PCDHGB4: variants seen among roughly 807,000 people sequenced by gnomAD.
PCDHGB4 encodes protocadherin gamma subfamily B, 4, also known as protocadherin gamma-B4.
In PCDHGB4, 38 loss-of-function variants were observed where a neutral mutation model predicts 60.5. That is an observed-to-expected ratio of 0.63 (90% confidence interval 0.48 to 0.82). The LOEUF is 0.82. PCDHGB4 is among the 40% of genes least tolerant of loss of function. The probability of loss-of-function intolerance (pLI) is 0.00; values close to 1 mark genes in which losing one functional copy is unlikely to be tolerated. For missense variants in PCDHGB4, 1,109 were observed against 1,209.6 expected (o/e 0.92, Z 1.23); for synonymous variants, 456 against 509.7 (o/e 0.89, Z 1.42).
chr5:141,413,470 C>T (rs748662580), intron 1 of PCDHGB4: 17 of 1,614,110 alleles, frequency 1.1e-5, no homozygotes, highest in Non-Finnish European at 1.4e-5. Flanking sequence ...CCGGGAGGAG[C>T]TCTGCGCTCA....
chr5:141,396,025 T>G (rs1486088514), intron 1 of PCDHGB4: 4 of 152,248 alleles, frequency 2.6e-5, no homozygotes, highest in African/African-American at 2.4e-5. Context: ...TTGTAAAATA[T>G]GTAAGAACAT....
At chr5:141,505,241 T>C in intron 2 of PCDHGB4, 152 bp from the exon 3 acceptor site, 3 of 1,396,292 alleles carry the variant, frequency 2.1e-6, no homozygotes, top group South Asian at 1.4e-5. Flanking sequence ...TTCTGAAGGA[T>C]TGTAGAAGTG....
chr5:141,450,678 G>C (rs1038323301), intron 1 of PCDHGB4, among the ~76,000 whole-genome samples: 1 of 151,854 alleles, frequency 6.6e-6, no homozygotes, highest in Non-Finnish European at 1.5e-5. Context: ...GTAGAAACGG[G>C]GTTTTGCCAT....
Position 141,491,797 on chromosome 5 carries a change from G to C in PCDHGB4, c.2398-3010G>C, listed in dbSNP as rs537755017. The C allele has an allele frequency of 7.9e-5, 119 of 1,506,700 alleles. No homozygotes were observed. In the Admixed American group the frequency reaches 1.4e-3, roughly 18 times the overall value. 93.3% of individuals were successfully genotyped at this position (1,506,700 alleles called of 1,614,324 possible). On this transcript the variant is annotated intron_variant, in intron 1 of 3. Coordinates refer to ENST00000519479, the MANE Select transcript of PCDHGB4 (RefSeq NM_003736.4). The surrounding 1 kb of genome is among the most constrained non-coding windows in gnomAD (Gnocchi z 6.9). The stretch of plus-strand genomic sequence containing the variant: ...ATTGAACTTGCATCCACTCCTCTCC[G>C]GCCGGCTTGGTCGCTGGCTGCGCTC...
chr5:141,388,571 C>G lies in PCDHGB4; in HGVS notation c.687C>G (p.His229Gln). Residue 229 changes from histidine to glutamine, a missense_variant, in exon 1 of 4, where the codon CAC becomes CAG. Physicochemically the swap from His to Gln is conservative, Grantham distance 24. Transcript: ENST00000519479. ...CCCTAAGCAGCACTGCACAGATACA[C>G]GTTCTAGTGACTGATGCCAATGATA... ...APPLSSTAQI[H>Q]VLVTDANDNA... 15 of 1,613,830 alleles carry G rather than the reference C, an allele frequency of 9.3e-6. No individual in the cohort carries two copies. The highest frequency in any genetic ancestry group is 1.2e-5 in the Non-Finnish European group (14 of 1,179,854).
At chr5:141,510,795 G>A in intron 3 of PCDHGB4, 152 bp from the exon 4 acceptor site, 6 of 1,465,214 alleles carry the variant, frequency 4.1e-6, no homozygotes, top group Non-Finnish European at 5.5e-6. Context: ...CTTGTGAAGA[G>A]AGACTACCTT....
rs2099388737 is a variant in PCDHGB4 at position 141,476,307 on chromosome 5, G to T, written c.2398-18500G>T. 1 of 1,613,606 alleles carries T rather than the reference G, an allele frequency of 6.2e-7. No individual in the cohort carries two copies. The highest frequency in any genetic ancestry group is 1.3e-5 in the African/African-American group (1 of 74,728). ...TTGGATCTCGGTAGCCTCTCAGCCC[G>T]CAGGTTCCGGGTGGTGTCTGGAGCT... On this transcript the variant is annotated intron_variant, in intron 1 of 3. Coordinates refer to ENST00000519479, the MANE Select transcript of PCDHGB4 (RefSeq NM_003736.4). The surrounding 1 kb of genome is among the most constrained non-coding windows in gnomAD (Gnocchi z 7.6).
At chr5:141,403,092 A>C in intron 1 of PCDHGB4, 4 of 1,614,086 alleles carry the variant, frequency 2.5e-6, no homozygotes, top group Non-Finnish European at 3.4e-6. Flanking sequence ...ATTGTGGGCA[A>C]CATCTCCAAG....
chr5:141,442,006 G>A (rs540427406), intron 1 of PCDHGB4: 77 of 229,074 alleles, frequency 3.4e-4, no homozygotes, highest in African/African-American at 1.6e-3. Context: ...CTGACAGCTC[G>A]CACGATGGGC....
chr5:141,404,772 G>T, intron 1 of PCDHGB4: 2 of 1,613,820 alleles, frequency 1.2e-6, no homozygotes, highest in African/African-American at 1.3e-5. Flanking sequence ...CTCTCCTACC[G>T]CCTATTCAAG....
rs749995138 is a variant in PCDHGB4 at position 141,408,745 on chromosome 5, G to A, written c.2397+18464G>A. The A allele has an allele frequency of 3.7e-6, 6 of 1,609,862 alleles. No homozygotes were observed. In the African/African-American group the frequency reaches 4.0e-5, roughly 11 times the overall value. ...ACTCTAATCCTTATTTTTCATTAAT[G>A]GTTAGAGTTAATTCCGATGGTGGCA... On this transcript the variant is annotated intron_variant, in intron 1 of 3. Transcript: ENST00000519479.
chr5:141,441,905 C>G, intron 1 of PCDHGB4: 1 of 348,464 alleles, frequency 2.9e-6, no homozygotes, highest in Non-Finnish European at 5.5e-6. Flanking sequence ...GCTGTAGACG[C>G]AGATGTGAGA....
At chr5:141,419,554 T>C (rs775925543) in intron 1 of PCDHGB4, 1 of 1,612,006 alleles carries the variant, frequency 6.2e-7, no homozygotes, top group Non-Finnish European at 8.5e-7. Flanking sequence ...TGCTGTACCC[T>C]GCGCTGGGTC....
chr5:141,452,378 T>C (rs1227738942), intron 1 of PCDHGB4, among the ~76,000 whole-genome samples: 1 of 152,226 alleles, frequency 6.6e-6, no homozygotes, highest in African/African-American at 2.4e-5. Context: ...TAGTAGGGAA[T>C]AGTATTTAGA....
intron 1 of PCDHGB4, among the ~76,000 whole-genome samples, chr5:141,452,579 A>G (rs1320327475): frequency 6.6e-6 from 1 of 151,944 alleles, no homozygotes; most frequent in Non-Finnish European, 1.5e-5. Context: ...CCCCCTTTCC[A>G]TCTTTGTATT....
intron 1 of PCDHGB4, among the ~76,000 whole-genome samples, chr5:141,468,186 A>G (rs2099159540): frequency 6.6e-6 from 1 of 151,848 alleles, no homozygotes; most frequent in African/African-American, 2.4e-5. Context: ...TTTGCTGGGC[A>G]TGGTGGCGGG....
intron 1 of PCDHGB4, chr5:141,475,927 G>A: frequency 1.6e-6 from 1 of 628,480 alleles, no homozygotes; most frequent in South Asian, 2.1e-5. Flanking sequence ...CTGGAGATCG[G>A]GCCCCTGCCC....
chr5:141,394,724 G>T, intron 1 of PCDHGB4: 1 of 1,613,380 alleles, frequency 6.2e-7, no homozygotes, highest in Non-Finnish European at 8.5e-7. Flanking sequence ...ACAGAGATGC[G>T]CTCAAGCAGA....
chr5:141,421,254 C>T, intron 1 of PCDHGB4: 1 of 1,607,460 alleles, frequency 6.2e-7, no homozygotes, highest in East Asian at 2.2e-5. Flanking sequence ...AGCGCGGGGA[C>T]CGCAGTCGGC....
Sources: allele counts gnomAD v4.1 joint callset (sites outside exome capture counted in the v4.1 genomes callset), GRCh38; gene constraint gnomAD v4.1.1; non-coding constraint Gnocchi (gnomAD v3.1); transcripts MANE v1.5; gene names NCBI Gene and HGNC (gene_info 2026-07-23, HGNC 2026-07-21).